The following NUTM1 variants were observed in gnomAD, a reference collection of about 807,000 sequenced individuals.
NUTM1 encodes the protein NUT midline carcinoma family member 1, also known as NUT family member 1.
NUTM1 carries 39 observed loss-of-function variants against 88.7 expected under a neutral mutation model. The observed-to-expected ratio is 0.44, with a 90% CI of 0.34 to 0.57. The LOEUF (loss-of-function observed/expected upper bound fraction) is 0.57, where lower values mean the gene tolerates loss of function less well. NUTM1 is among the 20% of genes least tolerant of loss of function. NUTM1 has a pLI of 0.01. For synonymous variants in NUTM1, 494 were observed against 538.0 expected, an observed-to-expected ratio of 0.92 and a Z score of 1.13; for missense variants, 1,350 against 1,414.5, an observed-to-expected ratio of 0.95 and a Z score of 0.73.
At chr15:34,354,988 C>T in intron 6 of NUTM1, 33 bp from the exon 7 acceptor site, 1 of 1,512,980 alleles carries the variant, frequency 6.6e-7, no homozygotes, top group Non-Finnish European at 9.2e-7. Flanking sequence ...TACCTGCTTA[C>T]AGACTTACAT....
chr15:34,348,560 G>A lies in NUTM1; in HGVS notation c.692G>A (p.Arg231His), dbSNP rs143360933. ...ATLSKPSLGD[R>H]SKISKDVYEN... is the part of the protein sequence containing the mutation. ...CTATCCAAGCCTTCCCTAGGTGACC[G>A]CTCCAAAATTTCCAAGGACGTTTAT... The change falls in exon 3 of 8, where the codon CGC (arginine) becomes CAC (histidine). Residue 231 changes from arginine to histidine, a missense_variant. Arg to His is a conservative substitution (Grantham distance 29, BLOSUM62 0). Around this residue, in one of 5 missense-constraint regions of NUTM1, gnomAD observed 399 missense variants for 397.9 expected, o/e 1.00. Coordinates refer to ENST00000537011, the MANE Select transcript of NUTM1 (RefSeq NM_001284292.2). 1.1e-4 allele frequency: 179 copies of A among 1,613,760 alleles called. No individual in the cohort carries two copies. Among genetic ancestry groups the A allele is most frequent in the Non-Finnish European group, 1.5e-4 (175 of 1,180,004 alleles).
rs932287211 is a variant in NUTM1, at chr15:34,347,897, T to A, written c.101-72T>A. Reference sequence around the variant, plus strand: ...AAAAATAAAAATAAAAATAAAAAAATGGGGAATTCAGATGGCTAACTCTGG... The same window carrying A: ...AAAAATAAAAATAAAAATAAAAAAAAGGGGAATTCAGATGGCTAACTCTGG... On this transcript the variant is annotated intron_variant, in intron 2 of 7. Transcript: ENST00000537011. 1.9e-3 allele frequency: 1,345 copies of A among 707,338 alleles called. 15 individuals carry two copies. In the African/African-American group the frequency reaches 0.023, roughly 12 times the overall value. The allele number at this position is 707,338 out of a possible 1,614,324, so 43.8% of individuals were successfully genotyped here.
chr15:34,346,323 G>A (rs1210956727), intron 2 of NUTM1, among the ~76,000 whole-genome samples: 1 of 151,978 alleles, frequency 6.6e-6, no homozygotes, highest in Non-Finnish European at 1.5e-5. Context: ...ATGTGTTTTT[G>A]TGGTGGGAGA....
rs762780095 is a variant in NUTM1, at chr15:34,348,028, C to A, written c.160C>A (p.Pro54Thr). 8 of 1,613,954 alleles carry A rather than the reference C, an allele frequency of 5.0e-6. No individual in the cohort carries two copies. The Admixed American group carries it at 5.0e-5, about 10-fold the overall frequency. ...MKPSAAPSPS[P>T]ALPFLPPTSD... ...ACCTAGTGCCGCCCCGTCTCCATCC[C>A]CTGCACTTCCCTTTCTCCCACCAAC... The change falls in exon 3 of 8, where the codon CCT (proline) becomes ACT (threonine). Residue 54 changes from proline to threonine, a missense_variant. This residue lies in a region of NUTM1 where 399 missense variants were observed against 397.9 expected (regional missense o/e 1.00). Coordinates refer to ENST00000537011, the MANE Select transcript of NUTM1 (RefSeq NM_001284292.2).
At chr15:34,353,043 A>G (rs1373987568) in intron 4 of NUTM1, among the ~76,000 whole-genome samples, 2 of 150,884 alleles carry the variant, frequency 1.3e-5, no homozygotes, top group African/African-American at 4.9e-5. Flanking sequence ...CCACCACCAC[A>G]TCAGGCTAAT....
chr15:34,356,802 C>T lies in NUTM1; in HGVS notation c.2794C>T (p.Leu932=), dbSNP rs758788215. Residue 932 remains leucine, a synonymous_variant, in exon 8 of 8, where the codon CTA becomes TTA. Coordinates refer to ENST00000537011, the MANE Select transcript of NUTM1 (RefSeq NM_001284292.2). ...GGAAACCATAGAACCTGTCAACATA[C>T]TAGATGTTAAAGATGACTGTGGCCT... ...LLETIEPVNI[L]DVKDDCGLQL... 6.2e-7 allele frequency: 1 copy of T among 1,611,818 alleles called. No individual in the cohort carries two copies. The highest frequency in any genetic ancestry group is 1.1e-5 in the South Asian group (1 of 90,888).
Position 34,357,285 on chromosome 15 carries a change from C to T in NUTM1, c.3277C>T (p.Leu1093Phe), listed in dbSNP as rs767210704. The T allele has an allele frequency of 4.6e-5, 75 of 1,614,024 alleles. No homozygotes were observed. The highest frequency in any genetic ancestry group is 6.4e-5 in the Non-Finnish European group (75 of 1,180,022). The change falls in exon 8 of 8, where the codon CTT becomes TTT. Residue 1093 changes from leucine to phenylalanine, a missense_variant. Around this residue, in one of 5 missense-constraint regions of NUTM1, gnomAD observed 730 missense variants for 728.8 expected, o/e 1.00. Coordinates refer to ENST00000537011, the MANE Select transcript of NUTM1 (RefSeq NM_001284292.2). ...TGCTGGAGCAAAAGGCCCCAGCAAA[C>T]TTCCATATCCTGTTGCCAAGTCTGG... ...LPAGAKGPSK[L>F]PYPVAKSGKR...
intron 2 of NUTM1, among the ~76,000 whole-genome samples, chr15:34,346,805 C>A (rs1890598392): frequency 7.9e-6 from 1 of 126,094 alleles, no homozygotes; most frequent in South Asian, 2.7e-4. Context: ...ATCACTTGAA[C>A]CCAGGAGGCG....
Position 34,354,995 on chromosome 15 carries a change from A to C in NUTM1, c.1363-26A>C, listed in dbSNP as rs1238956338. On this transcript the variant is annotated intron_variant, in intron 6 of 7. Transcript: ENST00000537011. ...TCACAGGTTACCTGCTTACAGACTT[A>C]CATCGCTTTTCCTTCTGTTATCCAG... 3.3e-6 allele frequency: 5 copies of C among 1,538,142 alleles called. 1 individual carries two copies. In the African/African-American group the frequency reaches 5.5e-5, roughly 17 times the overall value.
intron 1 of NUTM1, 45 bp downstream of exon 1, chr15:34,343,747 T>C: frequency 6.7e-7 from 1 of 1,503,444 alleles, no homozygotes; most frequent in Non-Finnish European, 8.9e-7. Flanking sequence ...TTCTAGGAGT[T>C]TTTACAATTT....
At position 34,354,635 on chromosome 15, in the gene NUTM1, A is replaced by C. The variant is rs1425089842; in HGVS notation, c.1265A>C (p.Glu422Ala). The change falls in exon 6 of 8, where the codon GAA becomes GCA. Residue 422 changes from glutamate (E) to alanine (A), a missense_variant. Physicochemically the swap from Glu to Ala is moderately radical, Grantham distance 107 (BLOSUM62 -1). Coordinates refer to ENST00000537011, the MANE Select transcript of NUTM1 (RefSeq NM_001284292.2). ...GGGGAGTCAGATGGAAAACAAGAGG[A>C]AGAAGGGCAGCAGCAGGAGGAGGAA... ...ATGESDGKQE[E>A]EGQQQEEEGM... 3.1e-6 allele frequency: 5 copies of C among 1,613,978 alleles called. No individual in the cohort carries two copies. The highest frequency in any genetic ancestry group is 3.3e-5 in the Admixed American group (2 of 59,990).
chr15:34,348,021 T>C lies in NUTM1; in HGVS notation c.153T>C (p.Ser51=). The stretch of plus-strand genomic sequence containing the variant: ...GCATGAAACCTAGTGCCGCCCCGTC[T>C]CCATCCCCTGCACTTCCCTTTCTCC... ...DMSMKPSAAP[S]PSPALPFLPP... is the part of the protein sequence containing the mutation. The change falls in exon 3 of 8, where the codon TCT becomes TCC. Residue 51 remains serine, a synonymous_variant. Transcript: ENST00000537011. 2 of 1,613,804 alleles carry C rather than the reference T, an allele frequency of 1.2e-6. No individual in the cohort carries two copies. The highest frequency in any genetic ancestry group is 1.7e-6 in the Non-Finnish European group (2 of 1,179,866).
chr15:34,348,924 T>A (rs1048280697), intron 3 of NUTM1, among the ~76,000 whole-genome samples: 1 of 152,234 alleles, frequency 6.6e-6, no homozygotes, highest in Non-Finnish European at 1.5e-5. Context: ...CAGGCAAGCC[T>A]TCCTCTGGTA....
Position 34,348,436 on chromosome 15 carries a change from C to A in NUTM1, c.568C>A (p.Pro190Thr). Reference protein sequence around the residue: ...QEGPPGLPPQPPPPVAQLVPI... With the variant: ...QEGPPGLPPQTPPPVAQLVPI... Reference sequence around the variant, plus strand: ...GGGTCCTCCAGGCCTTCCGCCTCAGCCTCCACCACCAGTTGCTCAACTGGT... The same window carrying A: ...GGGTCCTCCAGGCCTTCCGCCTCAGACTCCACCACCAGTTGCTCAACTGGT... The change falls in exon 3 of 8, where the codon CCT becomes ACT. Residue 190 changes from proline to threonine, a missense_variant. Pro to Thr is a conservative substitution (Grantham distance 38). Around this residue, in one of 5 missense-constraint regions of NUTM1, gnomAD observed 399 missense variants for 397.9 expected, o/e 1.00. Coordinates refer to ENST00000537011, the MANE Select transcript of NUTM1 (RefSeq NM_001284292.2). 6.2e-7 allele frequency: 1 copy of A among 1,614,142 alleles called. No homozygotes were observed. The highest frequency in any genetic ancestry group is 8.5e-7 in the Non-Finnish European group (1 of 1,179,988).
At chr15:34,353,326 T>G (rs1890742546) in intron 4 of NUTM1, among the ~76,000 whole-genome samples, 1 of 152,130 alleles carries the variant, frequency 6.6e-6, no homozygotes, top group South Asian at 2.1e-4. Context: ...CCACAATAGC[T>G]GTGACTAGAC....
intron 1 of NUTM1, 157 bp from the exon 2 acceptor site, chr15:34,345,785 T>C (rs1391002567): frequency 9.8e-7 from 1 of 1,021,836 alleles, no homozygotes; most frequent in Non-Finnish European, 1.3e-6. Context: ...TTTTTCATAC[T>C]TACTAGAACC....
At chr15:34,349,965 G>C (rs1298410956) in intron 3 of NUTM1, among the ~76,000 whole-genome samples, 4 of 152,190 alleles carry the variant, frequency 2.6e-5, no homozygotes, top group East Asian at 1.9e-4. Context: ...TTCCACAAGA[G>C]GCAGTCCAGA....
In NUTM1 at chr15:34,356,176, C is replaced by T. The variant is rs1452854135; in HGVS notation, c.2168C>T (p.Thr723Ile). 1 of 1,610,742 alleles carries T rather than the reference C, an allele frequency of 6.2e-7. No individual in the cohort carries two copies. The highest frequency in any genetic ancestry group is 8.5e-7 in the Non-Finnish European group (1 of 1,177,460). ...GCCATGTGGGGAGATGACAGAGGTA[C>T]CCCCATGGCTCAGAGTTATGATCAG... ...SGAMWGDDRG[T>I]PMAQSYDQNP... The change falls in exon 8 of 8, where the codon ACC becomes ATC. Residue 723 changes from threonine to isoleucine, a missense_variant. Thr to Ile is a moderately conservative substitution (Grantham distance 89, BLOSUM62 -1). Coordinates refer to ENST00000537011, the MANE Select transcript of NUTM1 (RefSeq NM_001284292.2).
At position 34,348,680 on chromosome 15, in the gene NUTM1, A is replaced by G; in HGVS notation, c.809+3A>G. ...GAAGCTCTTTCCTGTTTTCTTATGT[A>G]AGTGGGGAGACCGGAGATTAATTAT... is the stretch of plus-strand genomic sequence containing the variant. On this transcript the variant is annotated splice_donor_region_variant and intron_variant, in intron 3 of 7. Transcript: ENST00000537011. 6.4e-7 allele frequency: 1 copy of G among 1,574,102 alleles called. No homozygotes were observed.
Sources: allele counts gnomAD v4.1 joint callset (sites outside exome capture counted in the v4.1 genomes callset), GRCh38; gene constraint gnomAD v4.1.1; regional missense constraint gnomAD v4.1.1; transcripts MANE v1.5; gene names NCBI Gene and HGNC (gene_info 2026-07-23, HGNC 2026-07-21).